The following PCSK1 variants were observed in gnomAD, a reference collection of about 807,000 sequenced individuals.
PCSK1 encodes the protein neuroendocrine convertase 1.
A neutral mutation model predicts 90.6 loss-of-function variants in PCSK1; 56 were observed. That is an observed-to-expected ratio of 0.62 (90% CI 0.50 to 0.77). The LOEUF (loss-of-function observed/expected upper bound fraction) is 0.77. PCSK1 is among the 30% of genes least tolerant of loss of function. The pLI, the probability that PCSK1 is intolerant of heterozygous loss-of-function variation, is 0.00. For missense variants in PCSK1, 801 were observed against 932.6 expected, an observed-to-expected ratio of 0.86 and a Z score of 1.84; for synonymous variants, 348 against 342.4, an observed-to-expected ratio of 1.02 and a Z score of -0.18.
In PCSK1 at chr5:96,397,487, G is replaced by A; in HGVS notation, c.1589-18C>T. The A allele has an allele frequency of 3.7e-6, 6 of 1,606,180 alleles. No homozygotes were observed. Among genetic ancestry groups the A allele is most frequent in the Non-Finnish European group, 5.1e-6 (6 of 1,172,884 alleles). ...GCTAGTTCCTATGAAACAAATACAA[G>A]TTAATGAATGTCCTAATAGCTCTGA... is the stretch of plus-strand genomic sequence containing the variant. On this transcript the variant is annotated intron_variant, in intron 11 of 13. Coordinates refer to ENST00000311106, the MANE Select transcript of PCSK1 (RefSeq NM_000439.5).
chr5:96,400,075 A>G lies in PCSK1; in HGVS notation c.1308T>C (p.Asn436=), dbSNP rs540009722. 2 of 1,614,158 alleles carry G rather than the reference A, an allele frequency of 1.2e-6. No homozygotes were observed. Among genetic ancestry groups the G allele is most frequent in the Non-Finnish European group, 1.7e-6 (2 of 1,180,000 alleles). ...WKKNGAGLMV[N]SRFGFGLLNA... Reference sequence around the variant, plus strand: ...TTAGCAAGCCAAATCCAAATCGACTATTCACCATCAAGCCTGCTCCATTCT... The same window carrying G: ...TTAGCAAGCCAAATCCAAATCGACTGTTCACCATCAAGCCTGCTCCATTCT... Residue 436 remains asparagine, a synonymous_variant, in exon 10 of 14, where the codon AAT becomes AAC. Coordinates refer to ENST00000311106, the MANE Select transcript of PCSK1 (RefSeq NM_000439.5).
intron 3 of PCSK1, 28 bp from the exon 4 acceptor site, chr5:96,423,487 A>G (rs1761190117): frequency 1.2e-6 from 2 of 1,611,664 alleles, no homozygotes; most frequent in Non-Finnish European, 1.7e-6. Context: ...CGAAGCATTG[A>G]TAAAATTATC....
At chr5:96,424,778 T>C (rs552801262) in intron 3 of PCSK1, among the ~76,000 whole-genome samples, 13 of 151,780 alleles carry the variant, frequency 8.6e-5, no homozygotes, top group Admixed American at 2.6e-4. Flanking sequence ...GACTGACCAA[T>C]GTGACAAAAC....
intron 1 of PCSK1, among the ~76,000 whole-genome samples, chr5:96,429,887 T>C (rs1761437589): frequency 6.6e-6 from 1 of 152,172 alleles, no homozygotes; most frequent in African/African-American, 2.4e-5. Flanking sequence ...TTTACACACA[T>C]TGGAGGAAAT....
At chr5:96,420,755 G>T (rs998532087) in intron 5 of PCSK1, among the ~76,000 whole-genome samples, 1 of 150,706 alleles carries the variant, frequency 6.6e-6, no homozygotes, top group African/African-American at 2.5e-5. Flanking sequence ...GAGGGAGGGA[G>T]GGAGGAAGGA....
At chr5:96,416,597 G>C (rs771918566) in intron 5 of PCSK1, among the ~76,000 whole-genome samples, 21 of 152,114 alleles carry the variant, frequency 1.4e-4, no homozygotes, top group Admixed American at 6.5e-5. Flanking sequence ...TCCTTGATCA[G>C]CCTTAGTAGG....
chr5:96,408,004 C>T lies in PCSK1; in HGVS notation c.1196+219G>A, dbSNP rs156022. On this transcript the variant is annotated intron_variant, in intron 9 of 13. Transcript: ENST00000311106. ...GTTTTAAAAACAGATTACAAAATAA[C>T]GTCTATATTAAGATCCCAATTTTGT... is the stretch of plus-strand genomic sequence containing the variant. Among the ~76,000 whole-genome samples, 81,802 of 151,934 alleles carry T rather than the reference C, an allele frequency of 0.54. 23,966 individuals carry two copies. Among genetic ancestry groups the T allele is most frequent in the Non-Finnish European group, 0.65 (44,497 of 67,966 alleles).
Position 96,400,067 on chromosome 5 carries a change from A to G in PCSK1, c.1316T>C (p.Phe439Ser). ...NGAGLMVNSR[F>S]GFGLLNAKAL... ...TTTGGCATTTAGCAAGCCAAATCCAAATCGACTATTCACCATCAAGCCTGC... is the reference window on the plus strand; with the variant it reads ...TTTGGCATTTAGCAAGCCAAATCCAGATCGACTATTCACCATCAAGCCTGC... Residue 439 changes from phenylalanine to serine, a missense_variant, in exon 10 of 14, where the codon TTT (phenylalanine) becomes TCT (serine). Physicochemically the swap from Phe to Ser is radical, Grantham distance 155. Coordinates refer to ENST00000311106, the MANE Select transcript of PCSK1 (RefSeq NM_000439.5). 1 of 1,614,142 alleles carries G rather than the reference A, an allele frequency of 6.2e-7. No homozygotes were observed. Among genetic ancestry groups the G allele is most frequent in the Non-Finnish European group, 8.5e-7 (1 of 1,179,996 alleles).
chr5:96,410,846 G>A lies in PCSK1; in HGVS notation c.1023C>T (p.Pro341=). The A allele has an allele frequency of 6.2e-7, 1 of 1,614,072 alleles. No homozygotes were observed. Among genetic ancestry groups the A allele is most frequent in the African/African-American group, 1.3e-5 (1 of 75,026 alleles). The change falls in exon 8 of 14, where the codon CCC becomes CCT. Residue 341 remains proline (P), a synonymous_variant. Transcript: ENST00000311106. ...TGGAGGAGCACTTCTCAGCGTACCA[G>A]GGGGATAGGCCTTGCTGGGAGGCAC... ...ISSASQQGLS[P]WYAEKCSSTL...
At position 96,397,470 on chromosome 5, in the gene PCSK1, C is replaced by T. The variant is rs1265016336; in HGVS notation, c.1589-1G>A. ...TCAGCCAAGAGCACAGTGCTAGTTC[C>T]TATGAAACAAATACAAGTTAATGAA... On this transcript the variant is annotated splice_acceptor_variant, in intron 11 of 13. Coordinates refer to ENST00000311106, the MANE Select transcript of PCSK1 (RefSeq NM_000439.5). LOFTEE classifies it high-confidence loss of function. The T allele has an allele frequency of 6.2e-7, 1 of 1,612,340 alleles. No homozygotes were observed. Among genetic ancestry groups the T allele is most frequent in the African/African-American group, 1.3e-5 (1 of 75,002 alleles).
intron 9 of PCSK1, among the ~76,000 whole-genome samples, chr5:96,405,237 C>A (rs1232028454): frequency 1.3e-5 from 2 of 152,174 alleles, no homozygotes; most frequent in African/African-American, 4.8e-5. Flanking sequence ...GAATTAAATT[C>A]TTATGATAAG....
chr5:96,414,203 AC>A (rs1760871310), intron 6 of PCSK1, among the ~76,000 whole-genome samples: 1 of 151,906 alleles, frequency 6.6e-6, no homozygotes, highest in Non-Finnish European at 1.5e-5. Context: ...AAGCCAGTTA[AC>A]CCTCTGTGCC....
chr5:96,409,292 A>T (rs1361221115), intron 8 of PCSK1, among the ~76,000 whole-genome samples: 4 of 152,120 alleles, frequency 2.6e-5, no homozygotes, highest in African/African-American at 7.2e-5. Context: ...AGGTGTAAAA[A>T]AATAATTTGT....
At chr5:96,413,980 A>G (rs1407372792) in intron 6 of PCSK1, among the ~76,000 whole-genome samples, 1 of 148,854 alleles carries the variant, frequency 6.7e-6, no homozygotes, top group Non-Finnish European at 1.5e-5. Flanking sequence ...AAAAAAAAAA[A>G]AAAAAAAAAT....
At chr5:96,397,270 C>T in intron 12 of PCSK1, 66 bp downstream of exon 12, 1 of 1,409,518 alleles carries the variant, frequency 7.1e-7, no homozygotes, top group Non-Finnish European at 1.0e-6. Flanking sequence ...ATGAAATCAA[C>T]CTTAAAAGTG....
At chr5:96,412,889 G>GGC in intron 6 of PCSK1, 1 of 329,994 alleles carries the variant, frequency 3.0e-6, no homozygotes, top group Non-Finnish European at 4.6e-6. Context: ...CAAAATGTTT[G>GGC]CCCTCCCTCC....
intron 9 of PCSK1, among the ~76,000 whole-genome samples, chr5:96,404,532 T>C (rs568629895): frequency 6.6e-6 from 1 of 152,348 alleles, no homozygotes; most frequent in South Asian, 2.1e-4. Context: ...ACTCTGGCTA[T>C]ATAACATTTA....
intron 1 of PCSK1, among the ~76,000 whole-genome samples, chr5:96,431,041 C>T (rs773309549): frequency 9.2e-5 from 14 of 152,164 alleles, no homozygotes; most frequent in Admixed American, 1.3e-4. Flanking sequence ...TCCTCCTACA[C>T]GGTTACCAGT....
chr5:96,412,690 T>C (rs1395518262), intron 6 of PCSK1, among the ~76,000 whole-genome samples, 200 bp from the exon 7 acceptor site: 1 of 151,556 alleles, frequency 6.6e-6, no homozygotes, highest in Non-Finnish European at 1.5e-5. Flanking sequence ...CCCCATAAGC[T>C]TTTTTGTCGC....
Sources: allele counts gnomAD v4.1 joint callset (sites outside exome capture counted in the v4.1 genomes callset), GRCh38; gene constraint gnomAD v4.1.1; transcripts MANE v1.5; gene names NCBI Gene and HGNC (gene_info 2026-07-23, HGNC 2026-07-21).